FOXN3: variants seen among roughly 807,000 people sequenced by gnomAD.
FOXN3 encodes forkhead box protein N3.
A neutral mutation model predicts 38.4 loss-of-function variants in FOXN3; 7 were observed. The ratio of observed to expected loss-of-function variants is 0.18; its 90% CI spans 0.10 to 0.34. FOXN3 has a LOEUF of 0.34. FOXN3 is among the 10% of genes least tolerant of loss of function. FOXN3 has a pLI of 1.00. For missense variants in FOXN3, 456 were observed against 613.4 expected (o/e 0.74, Z 2.71); for synonymous variants, 230 against 242.2 (o/e 0.95, Z 0.47).
At chr14:89,399,250 G>C (rs920628550) in intron 2 of FOXN3, among the ~76,000 whole-genome samples, 4 of 152,136 alleles carry the variant, frequency 2.6e-5, no homozygotes, top group South Asian at 2.1e-4. Flanking sequence ...CTGGGCACTG[G>C]AACCATCACA....
intron 1 of FOXN3, among the ~76,000 whole-genome samples, chr14:89,526,245 T>C (rs1000006538): frequency 6.6e-6 from 1 of 152,130 alleles, no homozygotes; most frequent in African/African-American, 2.4e-5. Flanking sequence ...CTATTTAATA[T>C]TGTATTGGAG....
At chr14:89,285,302 C>G (rs1886591211) in intron 3 of FOXN3, among the ~76,000 whole-genome samples, 1 of 152,136 alleles carries the variant, frequency 6.6e-6, no homozygotes, top group African/African-American at 2.4e-5. Flanking sequence ...GGGCAGATCA[C>G]AAGGTCAGGA....
rs1464463409 is a variant in FOXN3, at chr14:89,438,921, C to G, written c.-14-26431G>C. ...GATTACAGGCATGCACCACCACGCCCAGCTAATTTCGTATTTTTAGTAGGA... is the reference window on the plus strand; with the variant it reads ...GATTACAGGCATGCACCACCACGCCGAGCTAATTTCGTATTTTTAGTAGGA... On this transcript the variant is annotated intron_variant, in intron 1 of 6. Coordinates refer to the FOXN3 transcript ENST00000345097. Among the ~76,000 whole-genome samples the G allele has an allele frequency of 2.6e-5, 4 of 152,112 alleles. No individual in the cohort carries two copies. In the East Asian group the frequency reaches 7.7e-4, roughly 29 times the overall value.
At chr14:89,492,958 C>T (rs1403775185) in intron 1 of FOXN3, among the ~76,000 whole-genome samples, 7 of 152,258 alleles carry the variant, frequency 4.6e-5, no homozygotes, top group African/African-American at 1.2e-4. Context: ...TCAGAAACTC[C>T]GAGCGCCTCA....
rs1360186732 is a variant in FOXN3, at chr14:89,431,236, T to C, written c.-14-18746A>G. ...CTTTGAGACAGAGTCTCTCTCTCTC[T>C]CCCAGGCTGGATGGAGTGCAGTGTT... is the stretch of plus-strand genomic sequence containing the variant. On this transcript the variant is annotated intron_variant, in intron 1 of 6. Transcript: ENST00000345097. Among the ~76,000 whole-genome samples the C allele has an allele frequency of 1.3e-4, 20 of 152,170 alleles. 1 individual carries two copies.
intron 4 of FOXN3, among the ~76,000 whole-genome samples, chr14:89,204,116 A>G (rs575669413): frequency 1.7e-4 from 25 of 144,624 alleles, no homozygotes; most frequent in Non-Finnish European, 2.6e-4. Flanking sequence ...TACTACTACA[A>G]CCACCCACAG....
At chr14:89,513,837 T>C (rs928734320) in intron 1 of FOXN3, among the ~76,000 whole-genome samples, 6 of 152,066 alleles carry the variant, frequency 3.9e-5, no homozygotes, top group African/African-American at 1.4e-4. Context: ...AGTTTGTTTT[T>C]AATCTCAAAA....
chr14:89,207,135 C>T (rs1218210989), intron 4 of FOXN3, among the ~76,000 whole-genome samples: 4 of 152,212 alleles, frequency 2.6e-5, no homozygotes, highest in South Asian at 4.2e-4. Flanking sequence ...GCAGCAGGAT[C>T]GCTTGAACCC....
At chr14:89,272,796 T>G (rs769167755) in intron 4 of FOXN3, among the ~76,000 whole-genome samples, 2 of 152,112 alleles carry the variant, frequency 1.3e-5, no homozygotes, top group Non-Finnish European at 2.9e-5. Context: ...TAAGTTGCAG[T>G]GAGCCAAGAT....
intron 3 of FOXN3, chr14:89,290,710 G>T: frequency 7.9e-6 from 3 of 377,460 alleles, no homozygotes; most frequent in East Asian, 7.4e-5. Context: ...TAGCTTCTGT[G>T]GGGAGACGTA....
Position 89,611,171 on chromosome 14 carries a change from G to A in FOXN3, c.-15+7857C>T, listed in dbSNP as rs183712156. ...TCAAGCTGAACCCCAACCTAACTTCGTCTCTGTAGACTTTATATGACTTAG... is the reference window on the plus strand; with the variant it reads ...TCAAGCTGAACCCCAACCTAACTTCATCTCTGTAGACTTTATATGACTTAG... On this transcript the variant is annotated intron_variant, in intron 1 of 6. Coordinates refer to the FOXN3 transcript ENST00000345097. 7.1e-4 allele frequency among the ~76,000 whole-genome samples: 108 copies of A among 152,228 alleles called. 1 individual carries two copies. The highest frequency in any genetic ancestry group is 1.2e-3 in the Non-Finnish European group (79 of 68,014).
At chr14:89,404,287 A>G (rs1252861005) in intron 2 of FOXN3, among the ~76,000 whole-genome samples, 2 of 151,998 alleles carry the variant, frequency 1.3e-5, no homozygotes, top group Admixed American at 6.6e-5. Flanking sequence ...AGGCGGGCAG[A>G]TCACAAGGTC....
At chr14:89,586,274 G>A (rs1331743963) in intron 1 of FOXN3, among the ~76,000 whole-genome samples, 1 of 152,128 alleles carries the variant, frequency 6.6e-6, no homozygotes, top group Non-Finnish European at 1.5e-5. Flanking sequence ...AATGAAAGCA[G>A]GATGTAAGAA....
At chr14:89,520,880 T>A (rs993410183) in intron 1 of FOXN3, among the ~76,000 whole-genome samples, 1 of 152,130 alleles carries the variant, frequency 6.6e-6, no homozygotes, top group Non-Finnish European at 1.5e-5. Context: ...AAACACCCAT[T>A]AAAACAATGC....
chr14:89,604,119 T>C (rs1481259361), intron 1 of FOXN3, among the ~76,000 whole-genome samples: 2 of 152,104 alleles, frequency 1.3e-5, no homozygotes, highest in African/African-American at 4.8e-5. Flanking sequence ...CAAAAACAAA[T>C]GCAAATTCTG....
In FOXN3 at chr14:89,412,547, G is replaced by C; in HGVS notation, c.-14-57C>G. 1 of 1,440,002 alleles carries C rather than the reference G, an allele frequency of 6.9e-7. No individual in the cohort carries two copies. 89.2% of individuals were successfully genotyped at this position (1,440,002 alleles called of 1,614,324 possible). A position where few individuals can be genotyped will look rare whatever the true frequency, so the allele number is the denominator to read the frequency against. On this transcript the variant is annotated intron_variant, in intron 1 of 5. Transcript: ENST00000557258. This position sits in a 1 kb window ranked among gnomAD's most constrained non-coding sequence, Gnocchi z 4.7. ...TGGCGAGGCCCAAAACAGAAAGGCA[G>C]ACTGTACCCCTCTGATCCTGTTGCC... is the stretch of plus-strand genomic sequence containing the variant.
chr14:89,528,376 CTT>C (rs55935162), intron 1 of FOXN3, among the ~76,000 whole-genome samples: 652 of 53,398 alleles, frequency 0.012, no homozygotes, highest in East Asian at 0.069. Flanking sequence ...ATGGATGAAT[CTT>C]TTTTTTTTTT....
chr14:89,426,514 T>A (rs536392443), intron 1 of FOXN3, among the ~76,000 whole-genome samples: 14 of 152,032 alleles, frequency 9.2e-5, no homozygotes, highest in Non-Finnish European at 1.9e-4. Context: ...TGAGCCACCA[T>A]GCCCGGGCAG....
At chr14:89,263,400 C>CAGTA (rs1324676616) in intron 4 of FOXN3, among the ~76,000 whole-genome samples, 1 of 150,286 alleles carries the variant, frequency 6.7e-6, no homozygotes, top group Non-Finnish European at 1.5e-5. Flanking sequence ...GACTGACATT[C>CAGTA]AGTAATCTTT....
Sources: allele counts gnomAD v4.1 joint callset (sites outside exome capture counted in the v4.1 genomes callset), GRCh38; gene constraint gnomAD v4.1.1; non-coding constraint Gnocchi (gnomAD v3.1); transcripts MANE v1.5; gene names NCBI Gene and HGNC (gene_info 2026-07-23, HGNC 2026-07-21).